SMIM27: variants seen among roughly 807,000 people sequenced by gnomAD.
SMIM27 encodes TOPORS antisense RNA 1 (non-protein coding).
A neutral mutation model predicts 1.8 loss-of-function variants in SMIM27; 3 were observed. The observed-to-expected ratio is 1.65, with a 90% CI of 0.75 to 4.28. SMIM27 has a LOEUF of 4.28. Among genes scored for constraint, SMIM27 ranks in the 30% most tolerant of loss-of-function variants. The probability of loss-of-function intolerance (pLI) is 0.02; values close to 1 mark genes in which losing one functional copy is unlikely to be tolerated. For missense variants in SMIM27, 63 were observed against 37.0 expected, an observed-to-expected ratio of 1.70 and a Z score of -1.83; for synonymous variants, 19 against 13.9, an observed-to-expected ratio of 1.37 and a Z score of -0.82.
chr9:32,557,149 C>T (rs771054932), downstream of SMIM27, among the ~76,000 whole-genome samples: 11 of 142,566 alleles, frequency 7.7e-5, no homozygotes, highest in Admixed American at 5.1e-4. Flanking sequence ...TTAGCCACCG[C>T]GCCTGGCCCC....
At chr9:32,555,086 G>T (rs1043087817), downstream of SMIM27, among the ~76,000 whole-genome samples, 1 of 146,538 alleles carries the variant, frequency 6.8e-6, no homozygotes, top group East Asian at 1.9e-4. Context: ...GAGACTTTCT[G>T]TTCCTGACCA....
upstream of SMIM27, chr9:32,551,652 G>T (rs921613005): frequency 3.1e-5 from 9 of 286,674 alleles, no homozygotes; most frequent in African/African-American, 1.3e-4. Flanking sequence ...TACTCCTCAG[G>T]CCTCAAATGT....
At chr9:32,555,128 T>G (rs147058026), downstream of SMIM27, among the ~76,000 whole-genome samples, 2 of 152,102 alleles carry the variant, frequency 1.3e-5, no homozygotes, top group East Asian at 1.9e-4. Flanking sequence ...ATCTAAAAAT[T>G]TGGGCCAGTC....
At chr9:32,563,898 G>A (rs1821701668) in intron 1 of SMIM27, among the ~76,000 whole-genome samples, 2 of 152,146 alleles carry the variant, frequency 1.3e-5, no homozygotes, top group Admixed American at 1.3e-4. Context: ...TTTGAAATAT[G>A]TTCCCATCAT....
upstream of SMIM27, chr9:32,551,723 G>C (rs1821266968): frequency 2.5e-6 from 1 of 406,480 alleles, no homozygotes; most frequent in South Asian, 1.7e-5. Flanking sequence ...TGCCGTGCTC[G>C]GGGCTTAGTA....
rs1430538048 is a variant in SMIM27 at position 32,552,446 on chromosome 9, A to T, written c.12A>T (p.Val4=). The T allele has an allele frequency of 1.2e-6, 2 of 1,606,728 alleles. No individual in the cohort carries two copies. The highest frequency in any genetic ancestry group is 4.5e-5 in the East Asian group (2 of 44,676). The part of the protein sequence containing the change: MKP[V]SRRTLDWIYS... ...GCCGCCTCCTTACCATGAAGCCAGTAAGTCGTCGCACGCTGGACTGGATTT... is the reference window on the plus strand; with the variant it reads ...GCCGCCTCCTTACCATGAAGCCAGTTAGTCGTCGCACGCTGGACTGGATTT... Residue 4 remains valine, a synonymous_variant, in exon 1 of 2, where the codon GTA becomes GTT. Coordinates refer to ENST00000692500, the MANE Select transcript of SMIM27 (RefSeq NM_001387564.1).
intron 1 of SMIM27, among the ~76,000 whole-genome samples, chr9:32,560,059 A>C (rs1821583927): frequency 1.3e-5 from 2 of 152,218 alleles, no homozygotes; most frequent in Non-Finnish European, 2.9e-5. Flanking sequence ...AGCACTTTAA[A>C]ATGTCTTTAC....
At chr9:32,563,750 T>G (rs1821697831) in intron 1 of SMIM27, among the ~76,000 whole-genome samples, 1 of 152,220 alleles carries the variant, frequency 6.6e-6, no homozygotes, top group Non-Finnish European at 1.5e-5. Flanking sequence ...TTCTACCCAT[T>G]TATTAATTCA....
downstream of SMIM27, among the ~76,000 whole-genome samples, chr9:32,557,185 G>T (rs1313659734): frequency 8.3e-6 from 1 of 120,630 alleles, no homozygotes; most frequent in Non-Finnish European, 1.7e-5. Flanking sequence ...TTTTTCCCGA[G>T]ACAGAGTCTC....
chr9:32,554,477 T>C (rs775460815), downstream of SMIM27, among the ~76,000 whole-genome samples: 7 of 152,214 alleles, frequency 4.6e-5, no homozygotes, highest in South Asian at 2.1e-4. Flanking sequence ...GGTAAGAATC[T>C]TGGAACCTCC....
chr9:32,553,617 A>G (rs889685730), downstream of SMIM27: 5 of 415,094 alleles, frequency 1.2e-5, no homozygotes, highest in African/African-American at 1.0e-4. Context: ...ACAAACAAAC[A>G]TGTAACTAAA....
At chr9:32,551,508 G>C (rs1020673099), upstream of SMIM27, 1 of 274,672 alleles carries the variant, frequency 3.6e-6, no homozygotes, top group African/African-American at 2.2e-5. Context: ...ACAGGGCCTG[G>C]ACTCCTCCCT....
At chr9:32,558,922 G>C in intron 1 of SMIM27, 1 of 1,582,616 alleles carries the variant, frequency 6.3e-7, no homozygotes, top group Non-Finnish European at 8.7e-7. Context: ...GGAATATTCT[G>C]GACTTCTTTT....
At chr9:32,551,899 T>G (rs1240158899), upstream of SMIM27, 1 of 372,704 alleles carries the variant, frequency 2.7e-6, no homozygotes. Flanking sequence ...CCACAACGAT[T>G]TGTCACATAT....
At chr9:32,559,213 C>T (rs969461534) in intron 1 of SMIM27, among the ~76,000 whole-genome samples, 1 of 152,128 alleles carries the variant, frequency 6.6e-6, no homozygotes, top group African/African-American at 2.4e-5. Context: ...CACTCTTATT[C>T]CCCCAGTTAT....
intron 1 of SMIM27, among the ~76,000 whole-genome samples, chr9:32,562,307 GTACTTGTTAA>G (rs1821648691): frequency 6.6e-6 from 1 of 152,106 alleles, no homozygotes; most frequent in Admixed American, 6.5e-5. Flanking sequence ...TAGGCACTCC[GTACTTGTTAA>G]TCAAGGGGCT....
downstream of SMIM27, chr9:32,553,789 TA>T: frequency 1.1e-6 from 1 of 885,152 alleles, no homozygotes; most frequent in Non-Finnish European, 1.8e-6. Context: ...TAAACTTTAT[TA>T]AAGTTACTTT....
chr9:32,556,631 A>G (rs1163439454), downstream of SMIM27, among the ~76,000 whole-genome samples: 1 of 152,220 alleles, frequency 6.6e-6, no homozygotes, highest in Non-Finnish European at 1.5e-5. Flanking sequence ...GAGAAATGCT[A>G]CAGGATCCCT....
At chr9:32,551,158 C>A (rs1417416046), upstream of SMIM27, 1 of 695,028 alleles carries the variant, frequency 1.4e-6, no homozygotes. Flanking sequence ...CCGCTCCAGA[C>A]CCCGGAGGAG....
Sources: gnomAD v4.1 joint callset for allele counts (sites outside exome capture counted in the v4.1 genomes callset) on GRCh38, gnomAD v4.1.1 for gene constraint, MANE v1.5 for transcripts, NCBI Gene and HGNC (gene_info 2026-07-23, HGNC 2026-07-21) for gene names.